PTPRE: variants seen among roughly 807,000 people sequenced by gnomAD.
PTPRE encodes receptor-type tyrosine-protein phosphatase epsilon.
PTPRE carries 51 observed loss-of-function variants against 102.0 expected under a neutral mutation model. The observed-to-expected ratio is 0.50, with a 90% CI of 0.40 to 0.63. The LOEUF is 0.63. Ranked by LOEUF, PTPRE falls within the 30% of genes least tolerant of loss-of-function variation. The pLI, the probability that PTPRE is intolerant of heterozygous loss-of-function variation, is 0.00. For missense variants in PTPRE, 752 were observed against 915.1 expected (o/e 0.82, Z 2.30); for synonymous variants, 345 against 348.2 (o/e 0.99, Z 0.10).
At chr10:127,983,194 T>A (rs1279574213) in intron 2 of PTPRE, among the ~76,000 whole-genome samples, 2 of 152,242 alleles carry the variant, frequency 1.3e-5, no homozygotes, top group African/African-American at 4.8e-5. Context: ...TGGGCATAAA[T>A]GCTTATGGTC....
chr10:128,052,376 T>C (rs546531627), intron 6 of PTPRE, among the ~76,000 whole-genome samples: 41 of 152,220 alleles, frequency 2.7e-4, no homozygotes, highest in Non-Finnish European at 4.0e-4. Context: ...AAGGATTTGA[T>C]ATTGGGGTCA....
chr10:128,079,810 C>T, intron 20 of PTPRE, 115 bp downstream of exon 20: 1 of 1,352,790 alleles, frequency 7.4e-7, no homozygotes, highest in East Asian at 2.4e-5. Flanking sequence ...AGGTAAAATT[C>T]CCAAGGAAAA....
At chr10:127,988,299 CTTTTCTTTTTTTT>C (rs985320843) in intron 2 of PTPRE, among the ~76,000 whole-genome samples, 1 of 119,454 alleles carries the variant, frequency 8.4e-6, no homozygotes, top group Non-Finnish European at 1.7e-5. Context: ...GACTTTTTTT[CTTTTCTTTTTTTT>C]TTTTTTTTTT....
In PTPRE at chr10:128,030,673, G is replaced by A. The variant is rs190145352; in HGVS notation, c.-7-10202G>A. 7.2e-5 allele frequency among the ~76,000 whole-genome samples: 11 copies of A among 152,334 alleles called. No individual in the cohort carries two copies. In the East Asian group the frequency reaches 7.7e-4, roughly 11 times the overall value. On this transcript the variant is annotated intron_variant, in intron 2 of 20. Transcript: ENST00000254667. ...TGGCCTCTGCTTTGAGCAGTGCCGC[G>A]TGCATGGATAATCCTGCCGGCAAGG... is the stretch of plus-strand genomic sequence containing the variant.
At chr10:128,073,308 G>A (rs770405420) in intron 16 of PTPRE, 29 bp from the exon 17 acceptor site, 39 of 1,612,884 alleles carry the variant, frequency 2.4e-5, no homozygotes, top group Non-Finnish European at 2.8e-5. Context: ...AAGGAAGTCA[G>A]ACTCTAACCT....
intron 1 of PTPRE, among the ~76,000 whole-genome samples, chr10:127,956,181 G>A (rs1387645002): frequency 6.6e-6 from 1 of 152,188 alleles, no homozygotes; most frequent in Admixed American, 6.5e-5. Context: ...TTGACAAGGG[G>A]TGGGCTTGTG....
intron 8 of PTPRE, 112 bp downstream of exon 8, chr10:128,061,127 GC>G: frequency 2.9e-6 from 3 of 1,050,112 alleles, no homozygotes; most frequent in Non-Finnish European, 4.3e-6. Flanking sequence ...GGGCAGTTTG[GC>G]CACAAGCACA....
At position 128,070,091 on chromosome 10, in the gene PTPRE, C is replaced by G. The variant is rs1254048788; in HGVS notation, c.1144-210C>G. ...ATGTACACAGTGCGTGGCGTGCTCA[C>G]CAATGTGAGGCTCTGCTGCTACCGT... On this transcript the variant is annotated intron_variant, in intron 13 of 20. Transcript: ENST00000254667. This position sits in a 1 kb window ranked among gnomAD's most constrained non-coding sequence, Gnocchi z 4.8. 1.4e-6 allele frequency: 1 copy of G among 698,090 alleles called. No homozygotes were observed. Among genetic ancestry groups the G allele is most frequent in the Non-Finnish European group, 2.4e-6 (1 of 425,436 alleles). 43.2% of individuals were successfully genotyped at this position (698,090 alleles called of 1,614,324 possible).
intron 1 of PTPRE, among the ~76,000 whole-genome samples, chr10:127,974,600 G>T (rs1368316397): frequency 2.6e-5 from 4 of 152,162 alleles, no homozygotes; most frequent in African/African-American, 9.7e-5. Context: ...GGAGGCTGAG[G>T]TTCTGTCCAT....
chr10:128,066,924 GCA>G (rs893240786), intron 11 of PTPRE, among the ~76,000 whole-genome samples: 5 of 147,428 alleles, frequency 3.4e-5, no homozygotes, highest in Admixed American at 1.3e-4. Context: ...CCACACACAG[GCA>G]CACACATGCA....
chr10:128,066,167 C>T lies in PTPRE; in HGVS notation c.816C>T (p.Tyr272=). The change falls in exon 11 of 21, where the codon TAC becomes TAT. Residue 272 remains tyrosine (Y), a synonymous_variant. Coordinates refer to ENST00000254667, the MANE Select transcript of PTPRE (RefSeq NM_006504.6). The part of the protein sequence containing the change: ...CVEDCVVLVD[Y]TIRKFCIQPQ... ...AGGACTGCGTGGTTTTGGTCGACTA[C>T]ACCATCCGGAAGTTCTGCATACAGC... 2 of 1,614,240 alleles carry T rather than the reference C, an allele frequency of 1.2e-6. No homozygotes were observed. Among genetic ancestry groups the T allele is most frequent in the Non-Finnish European group, 1.7e-6 (2 of 1,180,038 alleles).
chr10:128,057,075 G>C (rs1197916358), intron 7 of PTPRE, among the ~76,000 whole-genome samples: 23 of 152,056 alleles, frequency 1.5e-4, no homozygotes, highest in Admixed American at 1.5e-3. Context: ...ATATTAGCCG[G>C]GCATGGTGGT....
intron 2 of PTPRE, among the ~76,000 whole-genome samples, chr10:128,001,224 G>A (rs894573046): frequency 1.3e-5 from 2 of 152,140 alleles, no homozygotes; most frequent in Non-Finnish European, 2.9e-5. Flanking sequence ...ATGTGTGTGT[G>A]TGTACTATGT....
intron 1 of PTPRE, among the ~76,000 whole-genome samples, chr10:127,952,495 A>T (rs1849108037): frequency 6.6e-6 from 1 of 152,212 alleles, no homozygotes; most frequent in South Asian, 2.1e-4. Flanking sequence ...TATTTTACTT[A>T]TAAGCTCAGG....
At chr10:128,059,936 A>G (rs1460145551) in intron 7 of PTPRE, among the ~76,000 whole-genome samples, 1 of 102,928 alleles carries the variant, frequency 9.7e-6, no homozygotes, top group African/African-American at 4.2e-5. Flanking sequence ...CACACACTAC[A>G]TGCACACACA....
At chr10:128,022,632 A>T (rs1202142891) in intron 2 of PTPRE, among the ~76,000 whole-genome samples, 1 of 152,182 alleles carries the variant, frequency 6.6e-6, no homozygotes. Context: ...GTGCAAGACC[A>T]TGAGAGGGCC....
At position 127,955,811 on chromosome 10, in the gene PTPRE, A is replaced by C. The variant is rs188220774; in HGVS notation, c.-30-26463A>C. ...AAGCATGACTGGGAAGCCTCAGAAA[A>C]CTTACAATCATGGAGGAAGATGAAG... is the stretch of plus-strand genomic sequence containing the variant. On this transcript the variant is annotated intron_variant, in intron 1 of 20. Transcript: ENST00000254667. Among the ~76,000 whole-genome samples the C allele has an allele frequency of 3.5e-3, 533 of 152,304 alleles. 5 individuals are homozygous for C. Among genetic ancestry groups the C allele is most frequent in the African/African-American group, 0.012 (511 of 41,574 alleles).
chr10:128,054,842 C>T (rs528370870), intron 6 of PTPRE, among the ~76,000 whole-genome samples: 32 of 152,192 alleles, frequency 2.1e-4, no homozygotes, highest in African/African-American at 6.3e-4. Flanking sequence ...TCCAAAGCTA[C>T]GCAGTGAGGC....
intron 1 of PTPRE, among the ~76,000 whole-genome samples, chr10:127,953,385 A>C (rs932760308): frequency 5.9e-5 from 9 of 152,066 alleles, no homozygotes; most frequent in Admixed American, 2.0e-4. Flanking sequence ...TTGAGAGACA[A>C]CTCTTGGCCT....
Sources: gnomAD v4.1 joint callset for allele counts (sites outside exome capture counted in the v4.1 genomes callset) on GRCh38, gnomAD v4.1.1 for gene constraint, Gnocchi (gnomAD v3.1) non-coding constraint, MANE v1.5 for transcripts, NCBI Gene and HGNC (gene_info 2026-07-23, HGNC 2026-07-21) for gene names.